The following PCDHGB6 variants were observed in gnomAD, a reference collection of about 807,000 sequenced individuals.
PCDHGB6 encodes protocadherin gamma subfamily B, 6.
Under a neutral mutation model 59.1 loss-of-function variants are expected in PCDHGB6, and 51 were observed. The ratio of observed to expected loss-of-function variants is 0.86; its 90% CI spans 0.69 to 1.09. PCDHGB6 has a LOEUF of 1.09. Among genes scored for constraint, PCDHGB6 ranks in the 50% least tolerant of loss-of-function variants. The probability of loss-of-function intolerance (pLI) is 0.00; values close to 1 mark genes in which losing one functional copy is unlikely to be tolerated. For synonymous variants in PCDHGB6, 466 were observed against 495.1 expected, an observed-to-expected ratio of 0.94 and a Z score of 0.78; for missense variants, 1,148 against 1,205.1, an observed-to-expected ratio of 0.95 and a Z score of 0.70.
intron 1 of PCDHGB6, among the ~76,000 whole-genome samples, chr5:141,459,682 A>G (rs557568098): frequency 2.4e-4 from 37 of 152,358 alleles, no homozygotes; most frequent in African/African-American, 8.2e-4. Flanking sequence ...AGCAATGCAT[A>G]AAGCGTTCCG....
At chr5:141,430,656 G>A in intron 1 of PCDHGB6, 1 of 1,092,670 alleles carries the variant, frequency 9.2e-7, no homozygotes, top group Non-Finnish European at 1.3e-6. Context: ...GGAAACAACG[G>A]AGGAGCTCTG....
chr5:141,478,497 C>A (rs746475685), intron 1 of PCDHGB6: 2 of 1,612,820 alleles, frequency 1.2e-6, no homozygotes, highest in Non-Finnish European at 1.7e-6. Context: ...AGCTGTGATC[C>A]GGTGTTCTAT....
chr5:141,477,482 C>G lies in PCDHGB6; in HGVS notation c.2419-17325C>G, dbSNP rs1168724444. On this transcript the variant is annotated intron_variant, in intron 1 of 3. Transcript: ENST00000520790. This position sits in a 1 kb window ranked among gnomAD's most constrained non-coding sequence, Gnocchi z 4.9. ...GTCCGACATCAATGACAACCCTCCA[C>G]AATCTTCTCAATCTTCCTACGACGT... 1 of 1,614,118 alleles carries G rather than the reference C, an allele frequency of 6.2e-7. No individual in the cohort carries two copies. The highest frequency in any genetic ancestry group is 1.1e-5 in the South Asian group (1 of 91,074).
At chr5:141,497,818 G>T (rs2099779657) in intron 2 of PCDHGB6, among the ~76,000 whole-genome samples, 1 of 152,194 alleles carries the variant, frequency 6.6e-6, no homozygotes, top group African/African-American at 2.4e-5. Context: ...AGAATTACAG[G>T]TGTGATCGCC....
chr5:141,482,591 A>G lies in PCDHGB6; in HGVS notation c.2419-12216A>G, dbSNP rs115650612. Among the ~76,000 whole-genome samples the G allele has an allele frequency of 6.3e-4, 95 of 151,838 alleles. 1 individual carries two copies. The highest frequency in any genetic ancestry group is 2.3e-3 in the African/African-American group (95 of 41,350). On this transcript the variant is annotated intron_variant, in intron 1 of 3. Coordinates refer to ENST00000520790, the MANE Select transcript of PCDHGB6 (RefSeq NM_018926.3). ...ATAGCATAAGATGCAGTGGGACCAA[A>G]CGGGAAAAAACACCTAAATGAGCCT...
intron 1 of PCDHGB6, chr5:141,422,833 C>G (rs2096676817): frequency 6.2e-7 from 1 of 1,614,106 alleles, no homozygotes; most frequent in African/African-American, 1.3e-5. Flanking sequence ...AGTGATAGCA[C>G]GTGACAGCGG....
intron 1 of PCDHGB6, chr5:141,475,974 A>G: frequency 1.0e-6 from 1 of 975,714 alleles, no homozygotes; most frequent in Non-Finnish European, 1.5e-6. Flanking sequence ...GCAGAGACTG[A>G]ACAGCCGGCG....
chr5:141,414,210 T>C (rs1252033650), intron 1 of PCDHGB6: 1 of 1,612,706 alleles, frequency 6.2e-7, no homozygotes, highest in East Asian at 2.2e-5. Flanking sequence ...AAGATGTAAA[T>C]GACAACAGTC....
At chr5:141,420,275 G>T in intron 1 of PCDHGB6, 1 of 1,524,576 alleles carries the variant, frequency 6.6e-7, no homozygotes, top group Non-Finnish European at 8.9e-7. Flanking sequence ...TCTTAAACAG[G>T]TAAGTATTTA....
In PCDHGB6 at chr5:141,476,208, C is replaced by A. The variant is rs1266601125; in HGVS notation, c.2419-18599C>A. 1.2e-6 allele frequency: 2 copies of A among 1,613,912 alleles called. No homozygotes were observed. Among genetic ancestry groups the A allele is most frequent in the East Asian group, 4.5e-5 (2 of 44,826 alleles). On this transcript the variant is annotated intron_variant, in intron 1 of 3. Coordinates refer to ENST00000520790, the MANE Select transcript of PCDHGB6 (RefSeq NM_018926.3). The surrounding 1 kb of genome is among the most constrained non-coding windows in gnomAD (Gnocchi z 7.6). ...CTTGGTGCCTTGAACAAGGCTTCCA[C>A]GGTCATTCACTATGAGATCCCGGAG...
intron 1 of PCDHGB6, among the ~76,000 whole-genome samples, chr5:141,488,613 A>C (rs1214413025): frequency 1.3e-5 from 2 of 152,158 alleles, no homozygotes; most frequent in Non-Finnish European, 2.9e-5. Flanking sequence ...GTTCTTACTA[A>C]TCTTTTCTCT....
chr5:141,467,084 A>T, intron 1 of PCDHGB6, among the ~76,000 whole-genome samples: 1 of 142,674 alleles, frequency 7.0e-6, no homozygotes, highest in African/African-American at 2.6e-5. Context: ...ACCAAGTCTC[A>T]CTCTGTCACA....
At chr5:141,443,759 A>G (rs1055796439) in intron 1 of PCDHGB6, among the ~76,000 whole-genome samples, 2 of 152,228 alleles carry the variant, frequency 1.3e-5, no homozygotes, top group African/African-American at 2.4e-5. Flanking sequence ...GAAGCTTACA[A>G]TATACAATAT....
intron 1 of PCDHGB6, 104 bp downstream of exon 1, chr5:141,410,724 C>G: frequency 7.2e-7 from 1 of 1,385,884 alleles, no homozygotes; most frequent in Non-Finnish European, 9.6e-7. Flanking sequence ...TGTTTAAAAT[C>G]CATAGCTTTT....
intron 1 of PCDHGB6, chr5:141,421,945 A>T: frequency 2.5e-6 from 4 of 1,613,342 alleles, no homozygotes; most frequent in Non-Finnish European, 3.4e-6. Context: ...AAATGATCAC[A>T]TCCCAATGTT....
intron 1 of PCDHGB6, chr5:141,415,955 G>A: frequency 8.5e-6 from 4 of 472,662 alleles, no homozygotes; most frequent in Non-Finnish European, 1.3e-5. Context: ...GTCACATATT[G>A]AAACTCCAGC....
At chr5:141,510,785 C>G (rs951225541) in intron 3 of PCDHGB6, among the ~76,000 whole-genome samples, 162 bp from the exon 4 acceptor site, 1 of 152,150 alleles carries the variant, frequency 6.6e-6, no homozygotes, top group Non-Finnish European at 1.5e-5. Flanking sequence ...ACCCTCAACT[C>G]TTGTGAAGAG....
At position 141,431,549 on chromosome 5, in the gene PCDHGB6, G is replaced by A. The variant is rs750427346; in HGVS notation, c.2418+20929G>A. ...GGCCTTGGGCACGCAGCTGCTTGTA[G>A]TCAACGCTACCGACCCTGACGAAGG... On this transcript the variant is annotated intron_variant, in intron 1 of 3. Coordinates refer to ENST00000520790, the MANE Select transcript of PCDHGB6 (RefSeq NM_018926.3). This position sits in a 1 kb window ranked among gnomAD's most constrained non-coding sequence, Gnocchi z 4.8. The A allele has an allele frequency of 6.2e-7, 1 of 1,614,156 alleles. No homozygotes were observed. Among genetic ancestry groups the A allele is most frequent in the South Asian group, 1.1e-5 (1 of 91,090 alleles).
intron 2 of PCDHGB6, among the ~76,000 whole-genome samples, chr5:141,505,066 G>A (rs1312509903): frequency 6.6e-6 from 1 of 152,190 alleles, no homozygotes; most frequent in Non-Finnish European, 1.5e-5. Flanking sequence ...GGAGACTGAG[G>A]CAGGAGAATC....
Sources: allele counts gnomAD v4.1 joint callset (sites outside exome capture counted in the v4.1 genomes callset), GRCh38; gene constraint gnomAD v4.1.1; non-coding constraint Gnocchi (gnomAD v3.1); transcripts MANE v1.5; gene names NCBI Gene and HGNC (gene_info 2026-07-23, HGNC 2026-07-21).